The following VPS13D variants were observed in gnomAD, a reference collection of about 807,000 sequenced individuals.
VPS13D encodes vacuolar protein sorting 13 homolog D.
VPS13D carries 187 observed loss-of-function variants against 461.9 expected under a neutral mutation model. The observed-to-expected ratio is 0.40, with a 90% CI of 0.36 to 0.46. The LOEUF (loss-of-function observed/expected upper bound fraction) is 0.46, where lower values mean the gene tolerates loss of function less well. Among genes scored for constraint, VPS13D ranks in the 20% least tolerant of loss-of-function variants. The pLI is 0.60. For synonymous variants in VPS13D, 1,951 were observed against 1,986.3 expected, an observed-to-expected ratio of 0.98 and a Z score of 0.47; for missense variants, 4,711 against 5,364.9, an observed-to-expected ratio of 0.88 and a Z score of 3.81.
At position 12,507,845 on chromosome 1, in the gene VPS13D, G is replaced by A. The variant is rs939136417; in HGVS notation, c.13035+752G>A. Among the ~76,000 whole-genome samples, 1 of 152,238 alleles carries A rather than the reference G, an allele frequency of 6.6e-6. No homozygotes were observed. The highest frequency in any genetic ancestry group is 1.5e-5 in the Non-Finnish European group (1 of 68,046). ...ATCTGTCTCTGGCCAGTCGGCCCTG[G>A]AGGCTTGCCATGACACCCAGGTGTT... On this transcript the variant is annotated intron_variant, in intron 69 of 69. Coordinates refer to ENST00000620676, the MANE Select transcript of VPS13D (RefSeq NM_015378.4). The surrounding 1 kb of genome is among the most constrained non-coding windows in gnomAD (Gnocchi z 5.3).
chr1:12,419,624 T>C (rs1036225098), intron 65 of VPS13D, among the ~76,000 whole-genome samples: 3 of 152,132 alleles, frequency 2.0e-5, no homozygotes, highest in African/African-American at 7.2e-5. Flanking sequence ...CCAGATCTCA[T>C]GAGAACTTGC....
At chr1:12,486,561 C>T (rs983620328) in intron 67 of VPS13D, among the ~76,000 whole-genome samples, 2 of 152,180 alleles carry the variant, frequency 1.3e-5, no homozygotes, top group Non-Finnish European at 2.9e-5. Context: ...AGACGGTGCA[C>T]GTTCCCCGGA....
chr1:12,388,646 G>A (rs1644381314), intron 60 of VPS13D, among the ~76,000 whole-genome samples: 1 of 150,666 alleles, frequency 6.6e-6, no homozygotes. Flanking sequence ...AGCAGGGAAA[G>A]GAATAGATAG....
intron 23 of VPS13D, 113 bp downstream of exon 23, chr1:12,291,237 G>A (rs931792294): frequency 2.6e-6 from 3 of 1,173,062 alleles, no homozygotes; most frequent in Non-Finnish European, 3.5e-6. Flanking sequence ...CTTCTTAGAG[G>A]TGAAATTGAG....
At position 12,439,328 on chromosome 1, in the gene VPS13D, G is replaced by A. The variant is rs140546488; in HGVS notation, c.12334-16670G>A. Among the ~76,000 whole-genome samples, 647 of 152,102 alleles carry A rather than the reference G, an allele frequency of 4.3e-3. 2 individuals are homozygous for A. Among genetic ancestry groups the A allele is most frequent in the African/African-American group, 0.015 (623 of 41,464 alleles). The stretch of plus-strand genomic sequence containing the variant: ...TTCAAACGTCCACTCCAAGGTCTCT[G>A]CACTCAGTGTTCTCTTCCTGGAATG... On this transcript the variant is annotated intron_variant, in intron 65 of 69. Transcript: ENST00000620676.
chr1:12,311,966 TCC>T, intron 29 of VPS13D, 41 bp downstream of exon 29: 5 of 1,520,968 alleles, frequency 3.3e-6, no homozygotes, highest in Non-Finnish European at 4.5e-6. Flanking sequence ...AGTAACAGTA[TCC>T]AAATAATACA....
At chr1:12,485,146 A>G (rs897224004) in intron 67 of VPS13D, among the ~76,000 whole-genome samples, 2 of 152,240 alleles carry the variant, frequency 1.3e-5, no homozygotes, top group African/African-American at 4.8e-5. Flanking sequence ...TAGTCATTTA[A>G]ATGTATGGGG....
At chr1:12,462,212 A>T (rs889257742) in intron 67 of VPS13D, among the ~76,000 whole-genome samples, 7 of 152,246 alleles carry the variant, frequency 4.6e-5, no homozygotes, top group African/African-American at 1.4e-4. Flanking sequence ...GAGGACACTT[A>T]GAGGGTGCCG....
intron 29 of VPS13D, 112 bp downstream of exon 29, chr1:12,312,037 T>TTTAATGATACGGC: frequency 1.9e-5 from 16 of 852,974 alleles, no homozygotes; most frequent in South Asian, 5.1e-5. Flanking sequence ...GATGGAATGT[T>TTTAATGATACGGC]GTCTGCAGAG....
At chr1:12,388,433 G>T (rs1644377699) in intron 60 of VPS13D, among the ~76,000 whole-genome samples, 1 of 152,048 alleles carries the variant, frequency 6.6e-6, no homozygotes, top group Non-Finnish European at 1.5e-5. Flanking sequence ...AATTAGCCAG[G>T]TGTGGTGGCA....
intron 61 of VPS13D, among the ~76,000 whole-genome samples, chr1:12,400,960 GCGCACACACACA>G (rs1390673582): frequency 4.4e-4 from 58 of 131,028 alleles, no homozygotes; most frequent in Middle Eastern, 3.7e-3. Flanking sequence ...ACCTGCGCGC[GCGCACACACACA>G]CACACACACA....
chr1:12,288,429 G>T, intron 22 of VPS13D, 116 bp downstream of exon 22: 1 of 872,438 alleles, frequency 1.1e-6, no homozygotes, highest in South Asian at 1.5e-5. Flanking sequence ...TGGCTTGATT[G>T]TGGTTATTAG....
intron 58 of VPS13D, among the ~76,000 whole-genome samples, chr1:12,384,325 T>A (rs758521678): frequency 8.5e-5 from 13 of 152,118 alleles, no homozygotes; most frequent in Non-Finnish European, 7.4e-5. Context: ...AGGTTCTGAT[T>A]TGGGCAACTC....
intron 67 of VPS13D, among the ~76,000 whole-genome samples, chr1:12,461,193 G>T (rs916207272): frequency 6.6e-5 from 10 of 152,306 alleles, no homozygotes; most frequent in Admixed American, 4.6e-4. Flanking sequence ...AGCCCAGAAG[G>T]ATTTTGCTGC....
At chr1:12,274,838 C>T (rs1641559548) in intron 18 of VPS13D, among the ~76,000 whole-genome samples, 1 of 152,102 alleles carries the variant, frequency 6.6e-6, no homozygotes, top group Non-Finnish European at 1.5e-5. Flanking sequence ...ATACCCAGCA[C>T]TTTGGGAGGC....
chr1:12,288,071 T>C (rs1642023538), intron 21 of VPS13D, 152 bp from the exon 22 acceptor site: 1 of 648,434 alleles, frequency 1.5e-6, no homozygotes, highest in African/African-American at 1.8e-5. Context: ...TTCTCTGGCT[T>C]AAGAAAGCTG....
In VPS13D at chr1:12,327,750, C is replaced by A; in HGVS notation, c.8093C>A (p.Ala2698Glu). Residue 2698 changes from alanine to glutamate, a missense_variant, in exon 36 of 70, where the codon GCG (alanine) becomes GAG (glutamate). Ala to Glu is a moderately radical substitution (Grantham distance 107). Transcript: ENST00000620676. ...TSRDSPGAVAAPLISGVEIKA... is the reference protein window; with the variant it reads ...TSRDSPGAVAEPLISGVEIKA... ...CGAGATAGCCCAGGGGCTGTGGCAGCGCCATTGATCTCTGGCGTGGAGATC... is the reference window on the plus strand; with the variant it reads ...CGAGATAGCCCAGGGGCTGTGGCAGAGCCATTGATCTCTGGCGTGGAGATC... 1 of 1,614,094 alleles carries A rather than the reference C, an allele frequency of 6.2e-7. No individual in the cohort carries two copies. Among genetic ancestry groups the A allele is most frequent in the Non-Finnish European group, 8.5e-7 (1 of 1,180,002 alleles).
At chr1:12,403,356 C>T (rs1157619977) in intron 62 of VPS13D, among the ~76,000 whole-genome samples, 5 of 152,306 alleles carry the variant, frequency 3.3e-5, no homozygotes, top group East Asian at 3.9e-4. Flanking sequence ...CTTTACAGCC[C>T]GCAGCCTGAT....
chr1:12,282,991 A>T lies in VPS13D; in HGVS notation c.4889A>T (p.Gln1630Leu), dbSNP rs1316953576. The change falls in exon 21 of 70, where the codon CAG (glutamine) becomes CTG (leucine). Residue 1630 changes from glutamine to leucine, a missense_variant. Physicochemically the swap from Gln to Leu is moderately radical, Grantham distance 113. Transcript: ENST00000620676. ...TTTTGTATATCAGAGCTTCAGGTTCAGCTAAGTGGAGATCTGACTTTGGGG... is the reference window on the plus strand; with the variant it reads ...TTTTGTATATCAGAGCTTCAGGTTCTGCTAAGTGGAGATCTGACTTTGGGG... ...ATFCISELQV[Q>L]LSGDLTLGAQ... is the part of the protein sequence containing the mutation. 1.9e-6 allele frequency: 3 copies of T among 1,614,074 alleles called. No homozygotes were observed. In the Admixed American group the frequency reaches 5.0e-5, roughly 27 times the overall value.
Sources: gnomAD v4.1 joint callset for allele counts (sites outside exome capture counted in the v4.1 genomes callset) on GRCh38, gnomAD v4.1.1 for gene constraint, Gnocchi (gnomAD v3.1) non-coding constraint, MANE v1.5 for transcripts, NCBI Gene and HGNC (gene_info 2026-07-23, HGNC 2026-07-21) for gene names.